The following SH3GL2 variants were observed in gnomAD, a reference collection of about 807,000 sequenced individuals.
The protein encoded by SH3GL2 is SH3 domain containing GRB2 like 2, endophilin A1, also known as endophilin-A1.
A neutral mutation model predicts 46.0 loss-of-function variants in SH3GL2; 24 were observed. The observed-to-expected ratio is 0.52, with a 90% CI of 0.38 to 0.73. The LOEUF is 0.73. Ranked by LOEUF, SH3GL2 falls within the 30% of genes least tolerant of loss-of-function variation. SH3GL2 has a pLI of 0.00. For synonymous variants in SH3GL2, 196 were observed against 147.1 expected (o/e 1.33, Z -2.40); for missense variants, 413 against 424.2 (o/e 0.97, Z 0.23).
intron 1 of SH3GL2, among the ~76,000 whole-genome samples, chr9:17,638,187 TG>T (rs1462641667): frequency 6.6e-6 from 1 of 151,882 alleles, no homozygotes; most frequent in East Asian, 1.9e-4. Flanking sequence ...AAAAAACCAC[TG>T]ATTTCATAGC....
At chr9:17,586,949 G>C (rs1002855974) in intron 1 of SH3GL2, among the ~76,000 whole-genome samples, 2 of 152,242 alleles carry the variant, frequency 1.3e-5, no homozygotes, top group Non-Finnish European at 2.9e-5. Flanking sequence ...GCTCATGCCT[G>C]CAATCCCAGC....
chr9:17,620,837 G>A (rs1428249646), intron 1 of SH3GL2, among the ~76,000 whole-genome samples: 1 of 152,180 alleles, frequency 6.6e-6, no homozygotes, highest in African/African-American at 2.4e-5. Context: ...TGAGGAGCAT[G>A]TTTTAGATTG....
intron 1 of SH3GL2, among the ~76,000 whole-genome samples, chr9:17,647,656 C>T (rs1444498378): frequency 6.6e-6 from 1 of 152,062 alleles, no homozygotes; most frequent in East Asian, 1.9e-4. Context: ...ACTATTACTT[C>T]TTAATGGTAG....
intron 1 of SH3GL2, among the ~76,000 whole-genome samples, chr9:17,680,515 T>C (rs1820739450): frequency 1.3e-5 from 2 of 152,184 alleles, no homozygotes; most frequent in Admixed American, 1.3e-4. Flanking sequence ...TTGATTCTTC[T>C]CTCTTTTCTT....
At chr9:17,783,298 G>A (rs897016786) in intron 3 of SH3GL2, among the ~76,000 whole-genome samples, 1 of 151,740 alleles carries the variant, frequency 6.6e-6, no homozygotes, top group African/African-American at 2.4e-5. Flanking sequence ...AGACCTAGTG[G>A]TTTTCCTGTT....
chr9:17,579,947 A>G (rs1013200836), intron 1 of SH3GL2, among the ~76,000 whole-genome samples: 1 of 152,242 alleles, frequency 6.6e-6, no homozygotes, highest in Non-Finnish European at 1.5e-5. Flanking sequence ...TTTCCCTAAA[A>G]CAACCAAATT....
intron 6 of SH3GL2, among the ~76,000 whole-genome samples, chr9:17,790,205 C>T (rs1016636966): frequency 1.3e-5 from 2 of 152,168 alleles, no homozygotes; most frequent in Non-Finnish European, 2.9e-5. Flanking sequence ...TATCTGGGTC[C>T]TGAGCTGAGT....
At chr9:17,756,536 T>C (rs1822994408) in intron 2 of SH3GL2, among the ~76,000 whole-genome samples, 1 of 142,570 alleles carries the variant, frequency 7.0e-6, no homozygotes, top group African/African-American at 2.6e-5. Flanking sequence ...CCAAGTGTTC[T>C]CATTGTTCAT....
Position 17,579,231 on chromosome 9 carries a change from G to C in SH3GL2, c.-12G>C. 1 of 1,547,528 alleles carries C rather than the reference G, an allele frequency of 6.5e-7. No individual in the cohort carries two copies. Among genetic ancestry groups the C allele is most frequent in the East Asian group, 2.7e-5 (1 of 37,396 alleles). ...CTCCCGCACAGCAGCCGCCAGCGCG[G>C]CCTCCTGCACCATGTCGGTGGCCGG... On this transcript the variant is annotated 5_prime_UTR_variant, in exon 1 of 9. Coordinates refer to ENST00000380607, the MANE Select transcript of SH3GL2 (RefSeq NM_003026.5).
intron 1 of SH3GL2, among the ~76,000 whole-genome samples, chr9:17,623,072 T>G (rs966176315): frequency 4.3e-5 from 5 of 115,390 alleles, no homozygotes; most frequent in African/African-American, 1.3e-4. Context: ...CCCCTTCCCC[T>G]TCCCCTTCCC....
intron 1 of SH3GL2, among the ~76,000 whole-genome samples, chr9:17,595,863 G>A (rs1588162675): frequency 6.6e-6 from 1 of 152,114 alleles, no homozygotes; most frequent in Non-Finnish European, 1.5e-5. Flanking sequence ...TAGACCAGGC[G>A]TTATGCTATA....
At chr9:17,687,457 G>GATT (rs61236187) in intron 1 of SH3GL2, among the ~76,000 whole-genome samples, 1 of 151,740 alleles carries the variant, frequency 6.6e-6, no homozygotes, top group Non-Finnish European at 1.5e-5. Context: ...TTTTGACTCT[G>GATT]TAACAGGGTA....
intron 1 of SH3GL2, among the ~76,000 whole-genome samples, chr9:17,666,578 G>GTGTATGTGTGTA (rs144961549): frequency 6.8e-6 from 1 of 148,126 alleles, no homozygotes; most frequent in African/African-American, 2.5e-5. Flanking sequence ...GTGTGTGTGT[G>GTGTATGTGTGTA]TATATACATT....
chr9:17,683,113 GAGTAAATGCTGATGCTGAT>G (rs1260152158), intron 1 of SH3GL2, among the ~76,000 whole-genome samples: 20 of 152,256 alleles, frequency 1.3e-4, no homozygotes, highest in Admixed American at 1.1e-3. Flanking sequence ...TGCTTAACTG[GAGTAAATGCTGATGCTGAT>G]GTCACATAAG....
chr9:17,646,057 G>C (rs1819808693), intron 1 of SH3GL2, among the ~76,000 whole-genome samples: 5 of 151,882 alleles, frequency 3.3e-5, no homozygotes, highest in Admixed American at 3.3e-4. Flanking sequence ...ATTTCTTGGA[G>C]GCTTCATTCA....
At chr9:17,738,661 G>GAGAGAGAGAGAGAGAGAC (rs371733137) in intron 1 of SH3GL2, among the ~76,000 whole-genome samples, 16 of 132,166 alleles carry the variant, frequency 1.2e-4, no homozygotes, top group African/African-American at 4.3e-4. Context: ...GAGAGAGAGA[G>GAGAGAGAGAGAGAGAGAC]AGAGAGAGAG....
At chr9:17,608,081 C>A (rs767749864) in intron 1 of SH3GL2, among the ~76,000 whole-genome samples, 1 of 150,832 alleles carries the variant, frequency 6.6e-6, no homozygotes, top group Admixed American at 6.6e-5. Context: ...TATATATAAA[C>A]AAGTGAGGAA....
intron 1 of SH3GL2, among the ~76,000 whole-genome samples, chr9:17,700,739 T>C (rs1427468909): frequency 6.6e-6 from 1 of 152,202 alleles, no homozygotes; most frequent in East Asian, 1.9e-4. Flanking sequence ...TAACGCCATA[T>C]GGTTTCCTAG....
Position 17,731,437 on chromosome 9 carries a change from A to AAGAG in SH3GL2, c.46-15617_46-15614dup, listed in dbSNP as rs915448320. ...GAGGTAGGGAAGAGAGAGAGAGAGA[A>AAGAG]AGAGAGAGAGAGAGACAGACAGAGA... On this transcript the variant is annotated intron_variant, in intron 1 of 8. Transcript: ENST00000380607. 4.7e-5 allele frequency among the ~76,000 whole-genome samples: 7 copies of AAGAG among 149,140 alleles called. No individual in the cohort carries two copies. In the East Asian group the frequency reaches 1.2e-3, roughly 26 times the overall value.
Sources: gnomAD v4.1 joint callset for allele counts (sites outside exome capture counted in the v4.1 genomes callset) on GRCh38, gnomAD v4.1.1 for gene constraint, MANE v1.5 for transcripts, NCBI Gene and HGNC (gene_info 2026-07-23, HGNC 2026-07-21) for gene names.